PTPRC: variants seen among roughly 807,000 people sequenced by gnomAD.
The protein encoded by PTPRC is receptor-type tyrosine-protein phosphatase C.
PTPRC carries 44 observed loss-of-function variants against 155.9 expected under a neutral mutation model. That is an observed-to-expected ratio of 0.28 (90% confidence interval 0.22 to 0.36). The LOEUF (loss-of-function observed/expected upper bound fraction) is 0.36. Among genes scored for constraint, PTPRC ranks in the 10% least tolerant of loss-of-function variants. The probability of loss-of-function intolerance (pLI) is 1.00; values close to 1 mark genes in which losing one functional copy is unlikely to be tolerated. For missense variants in PTPRC, 1,401 were observed against 1,564.6 expected, an observed-to-expected ratio of 0.90 and a Z score of 1.76; for synonymous variants, 525 against 533.1, an observed-to-expected ratio of 0.98 and a Z score of 0.21.
At chr1:198,662,333 T>C (rs1292995594) in intron 2 of PTPRC, among the ~76,000 whole-genome samples, 1 of 152,114 alleles carries the variant, frequency 6.6e-6, no homozygotes, top group Non-Finnish European at 1.5e-5. Context: ...ATCTGAGGCA[T>C]GGAAAATGTA....
intron 2 of PTPRC, among the ~76,000 whole-genome samples, chr1:198,668,302 T>C (rs1664439578): frequency 6.6e-6 from 1 of 152,184 alleles, no homozygotes; most frequent in South Asian, 2.1e-4. Context: ...TGCCTCAGCC[T>C]CCTGAGTATA....
chr1:198,687,264 G>A (rs1665680378), intron 2 of PTPRC, among the ~76,000 whole-genome samples: 1 of 152,114 alleles, frequency 6.6e-6, no homozygotes, highest in Non-Finnish European at 1.5e-5. Flanking sequence ...GGGATTACAG[G>A]TGTGAACCAT....
At chr1:198,683,246 TTAAATAG>T (rs2102338032) in intron 2 of PTPRC, among the ~76,000 whole-genome samples, 1 of 152,280 alleles carries the variant, frequency 6.6e-6, no homozygotes, top group African/African-American at 2.4e-5. Context: ...TACCCGCTTA[TTAAATAG>T]TAAACACTGT....
chr1:198,657,788 T>C (rs188816100), intron 2 of PTPRC: 1 of 152,330 alleles, frequency 6.6e-6, no homozygotes, highest in Admixed American at 6.5e-5. Context: ...CCATTCAGAA[T>C]TGCTGTTCAT....
intron 13 of PTPRC, among the ~76,000 whole-genome samples, chr1:198,717,460 C>T (rs562252390): frequency 9.2e-5 from 14 of 152,214 alleles, no homozygotes; most frequent in East Asian, 1.9e-4. Flanking sequence ...GAAGAAATGC[C>T]GTGTTTTAAG....
intron 2 of PTPRC, among the ~76,000 whole-genome samples, chr1:198,645,938 C>A (rs1270797800): frequency 6.6e-6 from 1 of 151,736 alleles, no homozygotes; most frequent in Admixed American, 6.6e-5. Flanking sequence ...CCACCATTAC[C>A]AGGATAATCT....
chr1:198,668,511 T>C (rs1344142399), intron 2 of PTPRC, among the ~76,000 whole-genome samples: 1 of 152,130 alleles, frequency 6.6e-6, no homozygotes, highest in Non-Finnish European at 1.5e-5. Context: ...ACAAATTGAG[T>C]GCTTTAATTT....
intron 7 of PTPRC, 190 bp downstream of exon 7, chr1:198,703,562 A>T (rs750173173): frequency 9.0e-5 from 74 of 817,724 alleles, no homozygotes; most frequent in Non-Finnish European, 1.4e-4. Context: ...TGAGATCAGG[A>T]TGTAATTGTT....
intron 15 of PTPRC, among the ~76,000 whole-genome samples, chr1:198,724,465 ATTT>A (rs1046185341): frequency 6.6e-6 from 1 of 150,904 alleles, no homozygotes; most frequent in African/African-American, 2.4e-5. Context: ...ACACATAGTT[ATTT>A]TTTTTTCTGT....
At chr1:198,642,747 A>C (rs959695147) in intron 2 of PTPRC, among the ~76,000 whole-genome samples, 7 of 151,796 alleles carry the variant, frequency 4.6e-5, no homozygotes, top group African/African-American at 1.7e-4. Flanking sequence ...AATGTAATCT[A>C]CAGCTTAAAA....
chr1:198,724,766 G>T (rs926269208), intron 15 of PTPRC, among the ~76,000 whole-genome samples: 1 of 149,802 alleles, frequency 6.7e-6, no homozygotes, highest in Non-Finnish European at 1.5e-5. Context: ...TTTATTCTTG[G>T]TCTTACCTGA....
rs775397726 is a variant in PTPRC at position 198,752,257 on chromosome 1, T to C, written c.3216T>C (p.Cys1072=). 8.1e-6 allele frequency: 13 copies of C among 1,611,402 alleles called. No homozygotes were observed. The African/African-American group carries it at 1.5e-4, about 18-fold the overall frequency. The change falls in exon 30 of 33, where the codon TGT becomes TGC. Residue 1072 remains cysteine (C), a synonymous_variant. Coordinates refer to ENST00000442510, the MANE Select transcript of PTPRC (RefSeq NM_002838.5). ...TELKHGDQEI[C]AQYWGEGKQT... ...TGTCTTCTTTTATCTAGGAAATCTG[T>C]GCTCAGTACTGGGGAGAAGGAAAGC...
chr1:198,653,392 G>A (rs1321807840), intron 2 of PTPRC, among the ~76,000 whole-genome samples: 1 of 151,670 alleles, frequency 6.6e-6, no homozygotes, highest in Non-Finnish European at 1.5e-5. Context: ...ACTATGATTA[G>A]TTTCTCATTT....
chr1:198,652,226 A>G (rs1281877253), intron 2 of PTPRC, among the ~76,000 whole-genome samples: 2 of 151,778 alleles, frequency 1.3e-5, no homozygotes, highest in East Asian at 3.9e-4. Flanking sequence ...ATGTAGATAT[A>G]AAGCCGCAGT....
At position 198,675,669 on chromosome 1, in the gene PTPRC, A is replaced by T. The variant is rs530259657; in HGVS notation, c.74-16678A>T. Reference sequence around the variant, plus strand: ...ACATGAGACGTAAGACTATTTTTATATCTCTGTAAATTGGGTATGAATTAT... The same window carrying T: ...ACATGAGACGTAAGACTATTTTTATTTCTCTGTAAATTGGGTATGAATTAT... On this transcript the variant is annotated intron_variant, in intron 2 of 32. Transcript: ENST00000442510. Among the ~76,000 whole-genome samples the T allele has an allele frequency of 4.6e-5, 7 of 152,284 alleles. No homozygotes were observed. The East Asian group carries it at 1.4e-3, about 29-fold the overall frequency.
chr1:198,666,552 G>A (rs1034420874), intron 2 of PTPRC, among the ~76,000 whole-genome samples: 2 of 152,130 alleles, frequency 1.3e-5, no homozygotes, highest in African/African-American at 4.8e-5. Context: ...TATTAACTGA[G>A]CTTAATATAT....
rs199676342 is a variant in PTPRC at position 198,732,302 on chromosome 1, C to T, written c.1977C>T (p.Ser659=). The change falls in exon 19 of 33, where the codon AGC becomes AGT. Residue 659 remains serine (S), a splice_region_variant and synonymous_variant. Transcript: ENST00000442510. ...CAAGAAATCGTTGTTTCTTTCAGAGCATCCCGCGGGTGTTCAGCAAGTTTC... is the reference window on the plus strand; with the variant it reads ...CAAGAAATCGTTGTTTCTTTCAGAGTATCCCGCGGGTGTTCAGCAAGTTTC... ...EGRLFLAEFQ[S]IPRVFSKFPI... 31 of 1,611,158 alleles carry T rather than the reference C, an allele frequency of 1.9e-5. No homozygotes were observed. The highest frequency in any genetic ancestry group is 2.5e-6 in the Non-Finnish European group (3 of 1,178,010).
intron 2 of PTPRC, among the ~76,000 whole-genome samples, chr1:198,659,284 A>G (rs1360716946): frequency 6.6e-6 from 1 of 152,156 alleles, no homozygotes; most frequent in Non-Finnish European, 1.5e-5. Flanking sequence ...TTACTTGCAT[A>G]TTTTGTAGAA....
intron 2 of PTPRC, among the ~76,000 whole-genome samples, 159 bp downstream of exon 2, chr1:198,639,500 G>A (rs1662456394): frequency 6.6e-6 from 1 of 152,074 alleles, no homozygotes; most frequent in Non-Finnish European, 1.5e-5. Flanking sequence ...AGCTAGTTGT[G>A]TGACAGAATA....
Sources: gnomAD v4.1 joint callset for allele counts (sites outside exome capture counted in the v4.1 genomes callset) on GRCh38, gnomAD v4.1.1 for gene constraint, MANE v1.5 for transcripts, NCBI Gene and HGNC (gene_info 2026-07-23, HGNC 2026-07-21) for gene names.